PSD3: variants seen among roughly 807,000 people sequenced by gnomAD.
PSD3 encodes the protein pleckstrin and Sec7 domain containing 3.
In PSD3, 49 loss-of-function variants were observed where a neutral mutation model predicts 105.5. The ratio of observed to expected loss-of-function variants is 0.46; its 90% CI spans 0.37 to 0.59. The LOEUF (loss-of-function observed/expected upper bound fraction) is 0.59. Among genes scored for constraint, PSD3 ranks in the 20% least tolerant of loss-of-function variants. PSD3 has a pLI of 0.00. For synonymous variants in PSD3, 557 were observed against 457.8 expected (o/e 1.22, Z -2.77); for missense variants, 1,561 against 1,263.8 (o/e 1.24, Z -3.57).
intron 9 of PSD3, among the ~76,000 whole-genome samples, chr8:18,715,639 C>A (rs1049790043): frequency 6.6e-6 from 1 of 152,168 alleles, no homozygotes; most frequent in African/African-American, 2.4e-5. Flanking sequence ...GTTTCCCAAA[C>A]ACAGGCATCA....
chr8:18,718,005 T>C (rs1403088187), intron 9 of PSD3, among the ~76,000 whole-genome samples: 2 of 152,142 alleles, frequency 1.3e-5, no homozygotes, highest in Non-Finnish European at 2.9e-5. Context: ...CTGGGACTCA[T>C]GTGCTTGTGT....
At chr8:18,855,676 G>A (rs1815952051) in intron 4 of PSD3, among the ~76,000 whole-genome samples, 1 of 139,800 alleles carries the variant, frequency 7.2e-6, no homozygotes, top group South Asian at 2.5e-4. Flanking sequence ...AAGATAGCTT[G>A]TATATGAAGC....
intron 11 of PSD3, among the ~76,000 whole-genome samples, chr8:18,623,762 A>C (rs1164519761): frequency 1.3e-5 from 2 of 152,150 alleles, no homozygotes; most frequent in Non-Finnish European, 2.9e-5. Context: ...AATATAGTGA[A>C]ACCACTGGGT....
intron 1 of PSD3, among the ~76,000 whole-genome samples, chr8:19,030,511 C>T (rs1465142182): frequency 1.3e-5 from 2 of 151,998 alleles, no homozygotes; most frequent in Non-Finnish European, 2.9e-5. Flanking sequence ...GATATGGTTA[C>T]TTAAAAGTGT....
intron 1 of PSD3, among the ~76,000 whole-genome samples, chr8:19,001,103 C>CT (rs34752713): frequency 0.013 from 1,939 of 148,694 alleles, 47 homozygotes; most frequent in African/African-American, 0.043. Flanking sequence ...TTTAAAATGA[C>CT]TTTTTTTTTT....
At position 19,002,180 on chromosome 8, in the gene PSD3, T is replaced by C. The variant is rs1364588485; in HGVS notation, c.21+11383A>G. Among the ~76,000 whole-genome samples, 3 of 152,186 alleles carry C rather than the reference T, an allele frequency of 2.0e-5. No homozygotes were observed. The East Asian group carries it at 5.8e-4, about 29-fold the overall frequency. ...ACTGCTAAAGCTGTTGGCCAGAAAGTGACTTTGAGAGGTCATAAAGTTTAT... is the reference window on the plus strand; with the variant it reads ...ACTGCTAAAGCTGTTGGCCAGAAAGCGACTTTGAGAGGTCATAAAGTTTAT... On this transcript the variant is annotated intron_variant, in intron 1 of 15. Transcript: ENST00000327040.
At chr8:18,954,393 G>T (rs1050459482) in intron 1 of PSD3, among the ~76,000 whole-genome samples, 1 of 150,848 alleles carries the variant, frequency 6.6e-6, no homozygotes, top group Non-Finnish European at 1.5e-5. Context: ...GAAAAAAAAA[G>T]AGTAGTATGG....
intron 12 of PSD3, among the ~76,000 whole-genome samples, chr8:18,590,562 T>A (rs1181745387): frequency 6.6e-6 from 1 of 152,138 alleles, no homozygotes; most frequent in African/African-American, 2.4e-5. Context: ...TGGAGGTAAT[T>A]TAGAAATATG....
chr8:18,928,662 C>G (rs1458525437), intron 2 of PSD3, among the ~76,000 whole-genome samples: 2 of 151,424 alleles, frequency 1.3e-5, no homozygotes, highest in African/African-American at 2.4e-5. Context: ...TGGGTGTTCT[C>G]TCTCTCTTTC....
At chr8:19,076,973 G>A (rs1586700111) in intron 1 of PSD3, among the ~76,000 whole-genome samples, 2 of 152,088 alleles carry the variant, frequency 1.3e-5, no homozygotes, top group South Asian at 4.1e-4. Context: ...CCTTGACCTT[G>A]ACTTTTATTT....
chr8:19,049,690 C>CA (rs10584051), intron 1 of PSD3, among the ~76,000 whole-genome samples: 1,349 of 64,332 alleles, frequency 0.021, 89 homozygotes, highest in African/African-American at 0.056. Flanking sequence ...GACCCTGTCT[C>CA]AAAAAAAAAA....
At chr8:18,812,239 T>G (rs1028697058) in intron 4 of PSD3, among the ~76,000 whole-genome samples, 1 of 152,170 alleles carries the variant, frequency 6.6e-6, no homozygotes, top group African/African-American at 2.4e-5. Context: ...GAGCTGTGTT[T>G]CCCTTGACAA....
chr8:18,793,383 C>A (rs335257), intron 8 of PSD3, among the ~76,000 whole-genome samples: 135,366 of 143,626 alleles, frequency 0.94, 63,908 homozygotes, highest in Non-Finnish European at 0.97. Context: ...AAAAAAAAAA[C>A]AAAACAAAAC....
chr8:18,605,626 G>A (rs568722345), intron 11 of PSD3, among the ~76,000 whole-genome samples: 46 of 152,220 alleles, frequency 3.0e-4, no homozygotes, highest in African/African-American at 1.1e-3. Context: ...TATTTGGGAG[G>A]GGCCTGGGGC....
intron 9 of PSD3, among the ~76,000 whole-genome samples, chr8:18,666,485 T>C (rs1799464437): frequency 6.6e-6 from 1 of 152,254 alleles, no homozygotes; most frequent in Admixed American, 6.5e-5. Context: ...TAAAGAATTT[T>C]TCCCCTAGTT....
intron 2 of PSD3, among the ~76,000 whole-genome samples, chr8:18,916,377 C>CAA (rs35084673): frequency 2.4e-5 from 1 of 42,522 alleles, no homozygotes; most frequent in African/African-American, 9.8e-5. Context: ...CACACACACA[C>CAA]AAACAGAATA....
chr8:18,810,930 C>CA (rs1478879675), intron 4 of PSD3, among the ~76,000 whole-genome samples: 6 of 151,956 alleles, frequency 3.9e-5, no homozygotes, highest in Non-Finnish European at 8.8e-5. Flanking sequence ...ACACCATCAG[C>CA]AAAAAATAAG....
chr8:18,777,822 T>C (rs1808242283), intron 8 of PSD3, among the ~76,000 whole-genome samples: 1 of 152,142 alleles, frequency 6.6e-6, no homozygotes, highest in Non-Finnish European at 1.5e-5. Context: ...ATCCACAGCC[T>C]CTGGTAAATA....
At chr8:18,935,937 G>C (rs1415807521) in intron 2 of PSD3, 97 bp downstream of exon 2, 2 of 701,742 alleles carry the variant, frequency 2.9e-6, no homozygotes, top group African/African-American at 3.5e-5. Flanking sequence ...AGGTTTCACA[G>C]AGGGAAGAAG....
Sources: gnomAD v4.1 joint callset for allele counts (sites outside exome capture counted in the v4.1 genomes callset) on GRCh38, gnomAD v4.1.1 for gene constraint, MANE v1.5 for transcripts, NCBI Gene and HGNC (gene_info 2026-07-23, HGNC 2026-07-21) for gene names.